The following SOX6 variants were observed in gnomAD, a reference collection of about 807,000 sequenced individuals.
The protein encoded by SOX6 is SRY-box transcription factor 6.
Under a neutral mutation model 97.8 loss-of-function variants are expected in SOX6, and 11 were observed. The ratio of observed to expected loss-of-function variants is 0.11; its 90% CI spans 0.07 to 0.19. SOX6 has a LOEUF of 0.19. Ranked by LOEUF, SOX6 falls within the 10% of genes least tolerant of loss-of-function variation. SOX6 has a pLI of 1.00. For synonymous variants in SOX6, 360 were observed against 371.4 expected (o/e 0.97, Z 0.35); for missense variants, 810 against 1,039.5 (o/e 0.78, Z 3.04).
chr11:16,240,804 G>C (rs1399690072), intron 3 of SOX6, among the ~76,000 whole-genome samples: 1 of 151,976 alleles, frequency 6.6e-6, no homozygotes, highest in African/African-American at 2.4e-5. Flanking sequence ...TGAGAAAACA[G>C]AGTCAAGATA....
At chr11:16,094,882 C>T (rs1848761472) in intron 9 of SOX6, among the ~76,000 whole-genome samples, 2 of 151,848 alleles carry the variant, frequency 1.3e-5, no homozygotes, top group Non-Finnish European at 2.9e-5. Context: ...CTACCTTAGG[C>T]TACTTCCAAG....
intron 1 of SOX6, among the ~76,000 whole-genome samples, chr11:16,372,148 ATTAGT>A (rs1292007951): frequency 6.6e-6 from 1 of 152,054 alleles, no homozygotes; most frequent in East Asian, 1.9e-4. Context: ...TCAATAAATA[ATTAGT>A]TTATTGATTG....
intron 6 of SOX6, among the ~76,000 whole-genome samples, chr11:16,176,066 C>CGGAT (rs1236450176): frequency 8.6e-6 from 1 of 116,068 alleles, no homozygotes; most frequent in Non-Finnish European, 1.9e-5. Context: ...GACAGACGGA[C>CGGAT]GGACGGATGG....
intron 9 of SOX6, among the ~76,000 whole-genome samples, chr11:16,081,406 C>T (rs1554926830): frequency 6.6e-6 from 1 of 151,374 alleles, no homozygotes; most frequent in Admixed American, 6.6e-5. Context: ...AAAGATGACA[C>T]AAAAAAAATG....
Position 16,074,260 on chromosome 11 carries a change from A to T in SOX6, c.1102-18359T>A, listed in dbSNP as rs115876952. On this transcript the variant is annotated intron_variant, in intron 9 of 15. Transcript: ENST00000683767. ...CACAATTAGAAATTACAAAGGGGAC[A>T]CTACCACTGATGATACAAAATAGAG... Among the ~76,000 whole-genome samples the T allele has an allele frequency of 8.6e-4, 131 of 152,286 alleles. 1 individual carries two copies. Among genetic ancestry groups the T allele is most frequent in the African/African-American group, 3.0e-3 (125 of 41,574 alleles).
chr11:16,496,088 T>G (rs1048570435), intron 4 of SOX6, among the ~76,000 whole-genome samples: 3 of 152,182 alleles, frequency 2.0e-5, no homozygotes, highest in African/African-American at 7.2e-5. Context: ...GGAAGAGTCC[T>G]CTGCTATAAA....
chr11:16,201,680 C>A (rs1398453485), intron 4 of SOX6, among the ~76,000 whole-genome samples: 1 of 123,842 alleles, frequency 8.1e-6, no homozygotes, highest in Non-Finnish European at 1.6e-5. Flanking sequence ...GTCGCCCAGG[C>A]TGGAGTGCAG....
At chr11:16,451,673 C>T (rs1859717088) in intron 1 of SOX6, among the ~76,000 whole-genome samples, 1 of 152,178 alleles carries the variant, frequency 6.6e-6, no homozygotes, top group Admixed American at 6.5e-5. Flanking sequence ...ATTCATTCAG[C>T]TGCACCTGCT....
At chr11:16,196,824 CTTCTTCT>C (rs1406085108) in intron 4 of SOX6, among the ~76,000 whole-genome samples, 1 of 125,650 alleles carries the variant, frequency 8.0e-6, no homozygotes, top group Non-Finnish European at 1.6e-5. Flanking sequence ...TCTTCTTCTT[CTTCTTCT>C]TTTTTTTTTT....
chr11:16,003,181 T>C (rs780676890), intron 13 of SOX6, among the ~76,000 whole-genome samples: 29 of 151,986 alleles, frequency 1.9e-4, no homozygotes, highest in Non-Finnish European at 3.8e-4. Flanking sequence ...GCCCTCCAAC[T>C]ATGGCTCCAG....
intron 4 of SOX6, among the ~76,000 whole-genome samples, chr11:16,588,693 G>A (rs1186609470): frequency 6.6e-6 from 1 of 152,080 alleles, no homozygotes; most frequent in African/African-American, 2.4e-5. Flanking sequence ...TTGCCTTAAA[G>A]AATAAAAGAT....
chr11:16,370,325 T>G (rs1857468530), intron 1 of SOX6, among the ~76,000 whole-genome samples: 1 of 152,178 alleles, frequency 6.6e-6, no homozygotes, highest in Non-Finnish European at 1.5e-5. Context: ...CCCAAGTATT[T>G]GAACAACTTA....
intron 4 of SOX6, among the ~76,000 whole-genome samples, chr11:16,583,972 C>T (rs550144923): frequency 1.6e-4 from 25 of 152,114 alleles, no homozygotes; most frequent in African/African-American, 6.0e-4. Flanking sequence ...ATAATATCAC[C>T]TTGTGGTTTT....
chr11:15,989,320 T>A, intron 13 of SOX6, 90 bp from the exon 14 acceptor site: 2 of 1,009,694 alleles, frequency 2.0e-6, no homozygotes, highest in East Asian at 2.6e-5. Context: ...TCAGCTGTTT[T>A]CCCCAGGTCC....
intron 6 of SOX6, among the ~76,000 whole-genome samples, chr11:16,173,934 C>T (rs1248749615): frequency 6.6e-6 from 1 of 151,444 alleles, no homozygotes; most frequent in Non-Finnish European, 1.5e-5. Flanking sequence ...CAGCCTAAAA[C>T]TCCTGTGCTC....
intron 6 of SOX6, among the ~76,000 whole-genome samples, chr11:16,163,287 T>G (rs1309849908): frequency 6.6e-6 from 1 of 152,182 alleles, no homozygotes; most frequent in South Asian, 2.1e-4. Flanking sequence ...CTTACTGTGG[T>G]TGGTCTGAAA....
At chr11:16,142,344 C>A (rs904165841) in intron 6 of SOX6, among the ~76,000 whole-genome samples, 1 of 152,252 alleles carries the variant, frequency 6.6e-6, no homozygotes, top group Non-Finnish European at 1.5e-5. Flanking sequence ...CACTAAAACC[C>A]CATCTGTACC....
chr11:15,975,837 A>AT (rs397742970), intron 15 of SOX6, among the ~76,000 whole-genome samples: 1 of 151,806 alleles, frequency 6.6e-6, no homozygotes, highest in Non-Finnish European at 1.5e-5. Flanking sequence ...ATCAGAAAAA[A>AT]CTTAGCAATT....
intron 13 of SOX6, among the ~76,000 whole-genome samples, chr11:15,995,977 T>C (rs1376231952): frequency 6.6e-6 from 1 of 152,166 alleles, no homozygotes; most frequent in Non-Finnish European, 1.5e-5. Flanking sequence ...AGGAAATTAT[T>C]CAAGAGGAAA....
Sources: gnomAD v4.1 joint callset for allele counts (sites outside exome capture counted in the v4.1 genomes callset) on GRCh38, gnomAD v4.1.1 for gene constraint, MANE v1.5 for transcripts, NCBI Gene and HGNC (gene_info 2026-07-23, HGNC 2026-07-21) for gene names.